Variants in GNA12 observed in about 807,000 individuals in gnomAD.
GNA12 encodes G protein subunit alpha 12, also known as guanine nucleotide-binding protein subunit alpha-12.
Under a neutral mutation model 26.0 loss-of-function variants are expected in GNA12, and 9 were observed. The observed-to-expected ratio is 0.35, with a 90% CI of 0.21 to 0.60. GNA12 has a LOEUF of 0.60. Ranked by LOEUF, GNA12 falls within the 20% of genes least tolerant of loss-of-function variation. GNA12 has a pLI of 0.78. For missense variants in GNA12, 405 were observed against 525.8 expected (o/e 0.77, Z 2.25); for synonymous variants, 264 against 219.6 (o/e 1.20, Z -1.79).
At chr7:2,796,052 AG>A (rs565951327) in intron 1 of GNA12, among the ~76,000 whole-genome samples, 43 of 151,984 alleles carry the variant, frequency 2.8e-4, no homozygotes, top group Middle Eastern at 3.4e-3. Flanking sequence ...TTTAGTAGAG[AG>A]GGGGGTTCCA....
At chr7:2,843,477 T>A (rs555737182) in intron 1 of GNA12, among the ~76,000 whole-genome samples, 1 of 151,640 alleles carries the variant, frequency 6.6e-6, no homozygotes, top group Non-Finnish European at 1.5e-5. Flanking sequence ...AGACCCCATC[T>A]CTACAAAAAA....
intron 2 of GNA12, among the ~76,000 whole-genome samples, chr7:2,791,604 A>T (rs1234659964): frequency 6.6e-6 from 1 of 152,222 alleles, no homozygotes. Context: ...AGCTCTTCAC[A>T]GGGACTGTCA....
intron 2 of GNA12, chr7:2,762,531 A>G: frequency 8.4e-7 from 1 of 1,193,316 alleles, no homozygotes; most frequent in Non-Finnish European, 1.1e-6. Flanking sequence ...AAGCAGTTCC[A>G]CCACGCCTTC....
At chr7:2,734,170 C>G (rs1232778855) in intron 2 of GNA12, among the ~76,000 whole-genome samples, 1 of 152,208 alleles carries the variant, frequency 6.6e-6, no homozygotes, top group Non-Finnish European at 1.5e-5. Context: ...CGGAATCACC[C>G]AGGACCCCGT....
chr7:2,751,013 C>T (rs1389667461), intron 2 of GNA12, among the ~76,000 whole-genome samples: 1 of 152,158 alleles, frequency 6.6e-6, no homozygotes, highest in African/African-American at 2.4e-5. Context: ...TTTTGAACTT[C>T]AAGACAATGT....
intron 2 of GNA12, among the ~76,000 whole-genome samples, chr7:2,761,990 T>C (rs1791580104): frequency 6.6e-6 from 1 of 152,026 alleles, no homozygotes; most frequent in Non-Finnish European, 1.5e-5. Context: ...CAGCCTAACC[T>C]CACCGAGGCC....
intron 2 of GNA12, among the ~76,000 whole-genome samples, chr7:2,777,218 G>A (rs1792099981): frequency 6.6e-6 from 1 of 152,156 alleles, no homozygotes; most frequent in Non-Finnish European, 1.5e-5. Flanking sequence ...GGACGCTTGG[G>A]TATAAATGAA....
chr7:2,762,805 G>A lies in GNA12; in HGVS notation c.526-29304C>T, dbSNP rs1364279570. 9 of 1,531,134 alleles carry A rather than the reference G, an allele frequency of 5.9e-6. No individual in the cohort carries two copies. In the East Asian group the frequency reaches 1.8e-4, roughly 30 times the overall value. The allele number at this position is 1,531,134 out of a possible 1,614,324, so 94.8% of individuals were successfully genotyped here. On this transcript the variant is annotated intron_variant, in intron 2 of 3. Transcript: ENST00000275364. ...TACAAAAGGGAGGAGGAGCACTCAG[G>A]GCGGCCTCCCATCCGCCACACACCC...
intron 1 of GNA12, among the ~76,000 whole-genome samples, chr7:2,810,901 A>AAAAG (rs35629917): frequency 0.39 from 58,998 of 149,702 alleles, 11,881 homozygotes; most frequent in Admixed American, 0.46. Context: ...TCTGTCTTAA[A>AAAAG]AAAGAAAGAA....
chr7:2,794,943 T>C lies in GNA12; in HGVS notation c.510A>G (p.Arg170=), dbSNP rs2230878. ...DSGIREAFSR[R]SEFQLGESVK... is the part of the protein sequence containing the mutation. Reference sequence around the variant, plus strand: ...ACTCACTCACCAGCTGAAACTCGCTTCTCCGGCTGAAAGCCTCCCTGATGC... The same window carrying C: ...ACTCACTCACCAGCTGAAACTCGCTCCTCCGGCTGAAAGCCTCCCTGATGC... The change falls in exon 2 of 4, where the codon AGA becomes AGG. Residue 170 remains arginine (R), a synonymous_variant. Transcript: ENST00000275364. 9.8e-3 allele frequency: 15,736 copies of C among 1,613,718 alleles called. 161 individuals carry two copies. The highest frequency in any genetic ancestry group is 0.05 in the African/African-American group (3,720 of 75,018).
At chr7:2,737,015 C>G (rs1204509166) in intron 2 of GNA12, among the ~76,000 whole-genome samples, 1 of 152,210 alleles carries the variant, frequency 6.6e-6, no homozygotes, top group East Asian at 1.9e-4. Flanking sequence ...TACCCACATG[C>G]TTGGTTCAGT....
chr7:2,756,930 C>T lies in GNA12; in HGVS notation c.526-23429G>A, dbSNP rs571741575. Among the ~76,000 whole-genome samples, 34 of 151,998 alleles carry T rather than the reference C, an allele frequency of 2.2e-4. 1 individual carries two copies. In the South Asian group the frequency reaches 4.8e-3, roughly 21 times the overall value. On this transcript the variant is annotated intron_variant, in intron 2 of 3. Coordinates refer to ENST00000275364, the MANE Select transcript of GNA12 (RefSeq NM_007353.3). ...CTCTATTAAAAATTTAAAAAGTAGC[C>T]GGGTGTGGTGGCACATGCCTGTAGT...
intron 2 of GNA12, among the ~76,000 whole-genome samples, chr7:2,777,995 C>T (rs75096726): frequency 0.024 from 3,605 of 152,312 alleles, 106 homozygotes; most frequent in Middle Eastern, 0.075. Flanking sequence ...TTTCAATCTC[C>T]TATTTACCAA....
chr7:2,826,794 G>A (rs540981367), intron 1 of GNA12, among the ~76,000 whole-genome samples: 2 of 152,344 alleles, frequency 1.3e-5, no homozygotes, highest in South Asian at 2.1e-4. Flanking sequence ...AGACAGGGAA[G>A]GAGGGATGAA....
chr7:2,737,587 C>T (rs1279603918), intron 2 of GNA12, among the ~76,000 whole-genome samples: 1 of 152,116 alleles, frequency 6.6e-6, no homozygotes, highest in East Asian at 1.9e-4. Flanking sequence ...CAGCGCCCGG[C>T]CCTGTCTTAC....
chr7:2,789,688 G>C (rs1225010925), intron 2 of GNA12, among the ~76,000 whole-genome samples: 3 of 152,280 alleles, frequency 2.0e-5, no homozygotes, highest in African/African-American at 7.2e-5. Flanking sequence ...CAGTGGTGAG[G>C]ACAGGGATCC....
intron 1 of GNA12, among the ~76,000 whole-genome samples, chr7:2,809,061 A>AC (rs1197382670): frequency 1.3e-5 from 2 of 151,956 alleles, no homozygotes; most frequent in African/African-American, 4.8e-5. Flanking sequence ...CCAAAACTGC[A>AC]CCCCAGGCCC....
chr7:2,798,068 T>G (rs1391960076), intron 1 of GNA12, among the ~76,000 whole-genome samples: 1 of 152,140 alleles, frequency 6.6e-6, no homozygotes, highest in Non-Finnish European at 1.5e-5. Flanking sequence ...ATGCTTTCCC[T>G]CCAACACTAG....
intron 1 of GNA12, among the ~76,000 whole-genome samples, chr7:2,822,943 C>G (rs1583309613): frequency 6.6e-6 from 1 of 152,218 alleles, no homozygotes; most frequent in African/African-American, 2.4e-5. Context: ...TCCCTAGATT[C>G]ACTATCAGTC....
Sources: gnomAD v4.1 joint callset for allele counts (sites outside exome capture counted in the v4.1 genomes callset) on GRCh38, gnomAD v4.1.1 for gene constraint, MANE v1.5 for transcripts, NCBI Gene and HGNC (gene_info 2026-07-23, HGNC 2026-07-21) for gene names.